SNRNP40: variants seen among roughly 807,000 people sequenced by gnomAD.
SNRNP40 encodes small nuclear ribonucleoprotein U5 subunit 40, also known as U5 small nuclear ribonucleoprotein 40 kDa protein.
In SNRNP40, 21 loss-of-function variants were observed where a neutral mutation model predicts 45.8. That is an observed-to-expected ratio of 0.46 (90% CI 0.32 to 0.66). SNRNP40 has a LOEUF of 0.66. SNRNP40 is among the 30% of genes least tolerant of loss of function. The pLI is 0.03. For synonymous variants in SNRNP40, 142 were observed against 163.8 expected (o/e 0.87, Z 1.01); for missense variants, 344 against 439.1 (o/e 0.78, Z 1.94).
chr1:31,290,821 T>C (rs1487208975), intron 3 of SNRNP40, among the ~76,000 whole-genome samples: 1 of 151,592 alleles, frequency 6.6e-6, no homozygotes, highest in Non-Finnish European at 1.5e-5. Context: ...GAGCTTGCAG[T>C]GAGCCGAGAT....
rs1426915866 is a variant in SNRNP40 at position 31,261,461 on chromosome 1, T to C, written c.1024+68A>G. 11 of 1,014,342 alleles carry C rather than the reference T, an allele frequency of 1.1e-5. No individual in the cohort carries two copies. In the South Asian group the frequency reaches 1.2e-4, roughly 11 times the overall value. 62.8% of individuals were successfully genotyped at this position (1,014,342 alleles called of 1,614,324 possible). On this transcript the variant is annotated intron_variant, in intron 9 of 9. Coordinates refer to ENST00000263694, the MANE Select transcript of SNRNP40 (RefSeq NM_004814.3). ...TATAAAACAGATACCCGCTTTTGAC[T>C]CTCTATTCCCAGGATCCCTACGGGG...
intron 8 of SNRNP40, 93 bp downstream of exon 8, chr1:31,267,778 C>A (rs1437179234): frequency 2.2e-6 from 2 of 906,286 alleles, no homozygotes; most frequent in African/African-American, 3.3e-5. Flanking sequence ...GTGATCTGCC[C>A]GCCTCGGCCT....
intron 4 of SNRNP40, among the ~76,000 whole-genome samples, chr1:31,286,112 T>C (rs367896110): frequency 1.1e-4 from 17 of 152,106 alleles, no homozygotes; most frequent in African/African-American, 3.9e-4. Flanking sequence ...ATTGGGGTCT[T>C]GTTGCTCCTA....
chr1:31,259,969 C>A lies in SNRNP40; in HGVS notation c.*103G>T. 1 of 851,798 alleles carries A rather than the reference C, an allele frequency of 1.2e-6. No homozygotes were observed. The highest frequency in any genetic ancestry group is 1.3e-5 in the South Asian group (1 of 74,222). 52.8% of individuals were successfully genotyped at this position (851,798 alleles called of 1,614,324 possible). A position where few individuals can be genotyped will look rare whatever the true frequency, so the allele number is the denominator to read the frequency against. On this transcript the variant is annotated 3_prime_UTR_variant, in exon 10 of 10. Transcript: ENST00000263694. Reference sequence around the variant, plus strand: ...CCTCCTGTTTCTTGCTAGCAATGGTCATCTGAAGGGAGGGTGCTAGCCTGG... The same window carrying A: ...CCTCCTGTTTCTTGCTAGCAATGGTAATCTGAAGGGAGGGTGCTAGCCTGG...
chr1:31,282,336 T>C (rs1258289304), intron 4 of SNRNP40: 1 of 152,160 alleles, frequency 6.6e-6, no homozygotes, highest in Non-Finnish European at 1.5e-5. Context: ...AGGACATTAT[T>C]AGCCTCTGGT....
chr1:31,289,532 C>T, intron 3 of SNRNP40, 113 bp from the exon 4 acceptor site: 1 of 863,222 alleles, frequency 1.2e-6, no homozygotes, highest in Non-Finnish European at 1.8e-6. Flanking sequence ...ACCTGCTGTG[C>T]TACGCCAGTT....
chr1:31,275,533 G>A (rs921761744), intron 5 of SNRNP40, among the ~76,000 whole-genome samples: 2 of 152,130 alleles, frequency 1.3e-5, no homozygotes, highest in South Asian at 4.1e-4. Context: ...GGGACTACAG[G>A]TGTGTGCCAC....
chr1:31,259,985 G>T lies in SNRNP40; in HGVS notation c.*87C>A. The T allele has an allele frequency of 3.1e-6, 3 of 965,998 alleles. No homozygotes were observed. Among genetic ancestry groups the T allele is most frequent in the Non-Finnish European group, 5.1e-6 (3 of 590,940 alleles). 59.8% of individuals were successfully genotyped at this position (965,998 alleles called of 1,614,324 possible). A position where few individuals can be genotyped will look rare whatever the true frequency, so the allele number is the denominator to read the frequency against. On this transcript the variant is annotated 3_prime_UTR_variant, in exon 10 of 10. Transcript: ENST00000263694. ...AGCAATGGTCATCTGAAGGGAGGGT[G>T]CTAGCCTGGACATCCAACATTTGGC...
chr1:31,265,994 G>C (rs1031022920), intron 8 of SNRNP40, among the ~76,000 whole-genome samples: 2 of 152,122 alleles, frequency 1.3e-5, no homozygotes, highest in African/African-American at 4.8e-5. Context: ...AAATTCTTTA[G>C]ATTTCCCTCT....
intron 5 of SNRNP40, 53 bp downstream of exon 5, chr1:31,281,321 G>A (rs1022529034): frequency 1.1e-5 from 17 of 1,478,620 alleles, no homozygotes; most frequent in African/African-American, 1.1e-4. Flanking sequence ...GAAAAAATTC[G>A]TTTCTAAGTG....
Position 31,293,636 on chromosome 1 carries a change from C to T in SNRNP40, c.142-288G>A, listed in dbSNP as rs1208306782. 2.0e-5 allele frequency among the ~76,000 whole-genome samples: 3 copies of T among 152,170 alleles called. No individual in the cohort carries two copies. The East Asian group carries it at 5.8e-4, about 29-fold the overall frequency. On this transcript the variant is annotated intron_variant, in intron 1 of 9. Transcript: ENST00000263694. Reference sequence around the variant, plus strand: ...TCACTCTGTCACCTAGGCTGGACTGCAGTAGTGTGATCATGGTTCACTGCA... The same window carrying T: ...TCACTCTGTCACCTAGGCTGGACTGTAGTAGTGTGATCATGGTTCACTGCA...
chr1:31,288,809 G>C (rs771947126), intron 4 of SNRNP40, among the ~76,000 whole-genome samples: 11 of 152,162 alleles, frequency 7.2e-5, no homozygotes, highest in Non-Finnish European at 1.0e-4. Context: ...TGCAATCTCT[G>C]CAAGCTCCAC....
rs545867390 is a variant in SNRNP40, at chr1:31,273,103, C to T, written c.655-1604G>A. Among the ~76,000 whole-genome samples the T allele has an allele frequency of 6.6e-5, 10 of 152,264 alleles. No homozygotes were observed. In the East Asian group the frequency reaches 7.7e-4, roughly 12 times the overall value. ...TGTGGAGCCCAACACATTTTCTATA[C>T]GATCATTTTTTTATATCAAGATGTT... is the stretch of plus-strand genomic sequence containing the variant. On this transcript the variant is annotated intron_variant, in intron 5 of 9. Transcript: ENST00000263694.
At chr1:31,291,237 G>A (rs1021670043) in intron 3 of SNRNP40, among the ~76,000 whole-genome samples, 11 of 142,776 alleles carry the variant, frequency 7.7e-5, no homozygotes, top group South Asian at 6.4e-4. Context: ...GCAGTGAGCC[G>A]AGATCGTGCC....
At chr1:31,295,788 C>G (rs1007802521) in intron 1 of SNRNP40, among the ~76,000 whole-genome samples, 2 of 152,190 alleles carry the variant, frequency 1.3e-5, no homozygotes, top group African/African-American at 4.8e-5. Flanking sequence ...TAGGGTCCCA[C>G]TACAAAAATG....
At chr1:31,274,209 G>T (rs982141590) in intron 5 of SNRNP40, among the ~76,000 whole-genome samples, 3 of 152,080 alleles carry the variant, frequency 2.0e-5, no homozygotes, top group Non-Finnish European at 4.4e-5. Flanking sequence ...ACATTCAGTT[G>T]TATATTCTGG....
intron 4 of SNRNP40, among the ~76,000 whole-genome samples, chr1:31,287,880 C>T (rs1205485280): frequency 6.6e-6 from 1 of 152,186 alleles, no homozygotes; most frequent in Non-Finnish European, 1.5e-5. Context: ...CCCTGTAGTC[C>T]CAGCTACTAG....
chr1:31,262,521 CAAA>C (rs57503418), intron 8 of SNRNP40, among the ~76,000 whole-genome samples: 30 of 40,626 alleles, frequency 7.4e-4, no homozygotes, highest in African/African-American at 2.1e-3. Flanking sequence ...ACTCCATCTC[CAAA>C]AAAAAAAAAA....
intron 1 of SNRNP40, among the ~76,000 whole-genome samples, chr1:31,294,117 C>T (rs966230099): frequency 1.3e-5 from 2 of 151,856 alleles, no homozygotes; most frequent in Admixed American, 6.6e-5. Context: ...ACAACCACGC[C>T]CGGCTAATTT....
Sources: allele counts gnomAD v4.1 joint callset (sites outside exome capture counted in the v4.1 genomes callset), GRCh38; gene constraint gnomAD v4.1.1; transcripts MANE v1.5; gene names NCBI Gene and HGNC (gene_info 2026-07-23, HGNC 2026-07-21).